Variants in CLCN7 observed in about 807,000 individuals in gnomAD.
CLCN7 encodes Cl-/H+ antiporter 7, also known as H(+)/Cl(-) exchange transporter 7.
CLCN7 carries 60 observed loss-of-function variants against 102.1 expected under a neutral mutation model. The observed-to-expected ratio is 0.59, with a 90% CI of 0.48 to 0.73. The LOEUF (loss-of-function observed/expected upper bound fraction) is 0.73. Ranked by LOEUF, CLCN7 falls within the 30% of genes least tolerant of loss-of-function variation. The pLI is 0.00. For missense variants in CLCN7, 962 were observed against 1,125.7 expected (o/e 0.85, Z 2.08); for synonymous variants, 560 against 490.5 (o/e 1.14, Z -1.87).
At position 1,460,605 on chromosome 16, in the gene CLCN7, A is replaced by G. The variant is rs934993414; in HGVS notation, c.485-78T>C. On this transcript the variant is annotated intron_variant, in intron 5 of 24. Transcript: ENST00000382745. ...AGACCTCAGCCCTGCCCCACAGACC[A>G]GCCTGGCAGATGCCACCCTGCTGGG... 32 of 1,340,016 alleles carry G rather than the reference A, an allele frequency of 2.4e-5. No individual in the cohort carries two copies. In the African/African-American group the frequency reaches 3.9e-4, roughly 16 times the overall value. The allele number at this position is 1,340,016 out of a possible 1,614,324, so 83.0% of individuals were successfully genotyped here. A position where few individuals can be genotyped will look rare whatever the true frequency, so the allele number is the denominator to read the frequency against.
At position 1,461,415 on chromosome 16, in the gene CLCN7, A is replaced by T; in HGVS notation, c.341T>A (p.Ile114Asn). The T allele has an allele frequency of 6.4e-7, 1 of 1,550,448 alleles. No individual in the cohort carries two copies. The highest frequency in any genetic ancestry group is 8.7e-7 in the Non-Finnish European group (1 of 1,147,586). ...NQLFLEEERR[I>N]NHTAFRTVEI... is the part of the protein sequence containing the mutation. ...CGGCGTCCAGCTCACCGTGTGATTG[A>T]TCCGCCGCTCCTCCTCCAGGAACAG... is the stretch of plus-strand genomic sequence containing the variant. The change falls in exon 4 of 25, where the codon ATC (isoleucine) becomes AAC (asparagine). Residue 114 changes from isoleucine to asparagine, a missense_variant. By Grantham distance (149) the Ile-to-Asn change is moderately radical. Around this residue, in one of 2 missense-constraint regions of CLCN7, gnomAD observed 799 missense variants for 988.0 expected, o/e 0.81. Transcript: ENST00000382745.
chr16:1,467,242 C>T (rs554417596), intron 1 of CLCN7, among the ~76,000 whole-genome samples: 12 of 152,318 alleles, frequency 7.9e-5, no homozygotes, highest in South Asian at 6.2e-4. Flanking sequence ...GGCATCTCCA[C>T]GCCCAGGGGA....
At position 1,454,386 on chromosome 16, in the gene CLCN7, CTGCGG is replaced by C. The variant is rs1198977527; in HGVS notation, c.1153+20_1153+24del. On this transcript the variant is annotated intron_variant, in intron 13 of 24. Coordinates refer to ENST00000382745, the MANE Select transcript of CLCN7 (RefSeq NM_001287.6). ...GCTGAGCCAGGCCCGCAGGCCGTCC[CTGCGG>C]TGCTGGGAGAAGCCCTTACCCACCA... 3.1e-6 allele frequency: 5 copies of C among 1,611,916 alleles called. No individual in the cohort carries two copies.
chr16:1,451,743 TGGGAG>T, intron 15 of CLCN7, 27 bp from the exon 16 acceptor site: 1 of 1,590,892 alleles, frequency 6.3e-7, no homozygotes, highest in Middle Eastern at 1.7e-4. Context: ...GAGCACACGT[TGGGAG>T]GGGAGATGAG....
At chr16:1,448,848 G>T in intron 19 of CLCN7, 82 bp from the exon 20 acceptor site, 1 of 1,594,912 alleles carries the variant, frequency 6.3e-7, no homozygotes, top group Non-Finnish European at 8.5e-7. Flanking sequence ...GAGCCCAGAG[G>T]CCGCCCCCAG....
At chr16:1,471,066 G>A (rs886165028) in intron 1 of CLCN7, among the ~76,000 whole-genome samples, 6 of 152,148 alleles carry the variant, frequency 3.9e-5, no homozygotes, top group Non-Finnish European at 7.3e-5. Context: ...GATGAGCAGT[G>A]ACTGGCTTGG....
rs939930832 is a variant in CLCN7 at position 1,457,580 on chromosome 16, G to C, written c.738+114C>G. 18 of 1,004,386 alleles carry C rather than the reference G, an allele frequency of 1.8e-5. No homozygotes were observed. The South Asian group carries it at 2.4e-4, about 13-fold the overall frequency. 62.2% of individuals were successfully genotyped at this position (1,004,386 alleles called of 1,614,324 possible). On this transcript the variant is annotated intron_variant, in intron 8 of 24. Coordinates refer to ENST00000382745, the MANE Select transcript of CLCN7 (RefSeq NM_001287.6). This position sits in a 1 kb window ranked among gnomAD's most constrained non-coding sequence, Gnocchi z 5.4. Reference sequence around the variant, plus strand: ...CGGTGCTCAGAGACACGCGTGACGCGGCCCTTCCTGGAGACCAGAAGGACC... The same window carrying C: ...CGGTGCTCAGAGACACGCGTGACGCCGCCCTTCCTGGAGACCAGAAGGACC...
chr16:1,473,874 C>A (rs1162120469), intron 1 of CLCN7, among the ~76,000 whole-genome samples: 2 of 151,786 alleles, frequency 1.3e-5, no homozygotes, highest in Non-Finnish European at 2.9e-5. Context: ...CACGTGAGGT[C>A]GGGAGTTCGA....
chr16:1,462,683 A>AAAAAAAAAAAAC (rs1471363912), intron 2 of CLCN7, among the ~76,000 whole-genome samples: 5 of 151,076 alleles, frequency 3.3e-5, no homozygotes, highest in African/African-American at 1.2e-4. Context: ...AAAAAAAAAA[A>AAAAAAAAAAAAC]AAAACCAGGC....
chr16:1,452,003 G>A (rs2038759478), intron 15 of CLCN7: 1 of 425,956 alleles, frequency 2.3e-6, no homozygotes, highest in Non-Finnish European at 4.5e-6. Context: ...GGGCTGAGAC[G>A]CTGTCCATCC....
Position 1,447,491 on chromosome 16 carries a change from G to A in CLCN7, c.2151C>T (p.Arg717=), listed in dbSNP as rs1334872434. 1.9e-6 allele frequency: 3 copies of A among 1,553,002 alleles called. No individual in the cohort carries two copies. The highest frequency in any genetic ancestry group is 1.4e-5 in the African/African-American group (1 of 73,154). ...CGTGGATGGACTGGATGGGTGGGAA[G>A]CGCGGGTAGGCGTCTCGGAAGTCCT... is the stretch of plus-strand genomic sequence containing the variant. The part of the protein sequence containing the change: ...RLKDFRDAYP[R]FPPIQSIHVS... The change falls in exon 23 of 25, where the codon CGC becomes CGT. Residue 717 remains arginine, a synonymous_variant. Transcript: ENST00000382745.
Position 1,454,475 on chromosome 16 carries a change from G to A in CLCN7, c.1099-10C>T, listed in dbSNP as rs1025554437. Reference sequence around the variant, plus strand: ...TCGTGTAGGCCATTTTCTGTGCAGAGAGAGGGAGAAGGCAGAGGATGTGAG... The same window carrying A: ...TCGTGTAGGCCATTTTCTGTGCAGAAAGAGGGAGAAGGCAGAGGATGTGAG... On this transcript the variant is annotated splice_polypyrimidine_tract_variant and intron_variant, in intron 12 of 24. Transcript: ENST00000382745. The A allele has an allele frequency of 3.7e-6, 6 of 1,613,224 alleles. No homozygotes were observed. Among genetic ancestry groups the A allele is most frequent in the African/African-American group, 1.3e-5 (1 of 74,918 alleles).
intron 17 of CLCN7, 54 bp downstream of exon 17, chr16:1,450,443 G>T: frequency 6.6e-7 from 1 of 1,517,930 alleles, no homozygotes; most frequent in African/African-American, 1.4e-5. Flanking sequence ...CCGCGATGCC[G>T]CAAGACCTGG....
chr16:1,451,364 G>A (rs1312904929), intron 16 of CLCN7, among the ~76,000 whole-genome samples: 2 of 152,198 alleles, frequency 1.3e-5, no homozygotes, highest in Non-Finnish European at 2.9e-5. Flanking sequence ...TACTACCGTA[G>A]CCAGATAATG....
chr16:1,469,378 T>C (rs1433513372), intron 1 of CLCN7, among the ~76,000 whole-genome samples: 1 of 152,096 alleles, frequency 6.6e-6, no homozygotes, highest in Non-Finnish European at 1.5e-5. Flanking sequence ...AAGGGATTAA[T>C]ATTCAGAATA....
intron 4 of CLCN7, 21 bp from the exon 5 acceptor site, chr16:1,460,969 G>C (rs202067233): frequency 6.2e-7 from 1 of 1,610,800 alleles, no homozygotes; most frequent in Non-Finnish European, 8.5e-7. Context: ...CGGTCAGGGC[G>C]AGGGTCAGGC....
chr16:1,465,475 G>T, intron 1 of CLCN7, 137 bp from the exon 2 acceptor site: 1 of 780,068 alleles, frequency 1.3e-6, no homozygotes, highest in Non-Finnish European at 2.2e-6. Context: ...AGGCCTGCCT[G>T]CTGGGTGGGG....
chr16:1,460,874 G>A lies in CLCN7; in HGVS notation c.426C>T (p.Cys142=), dbSNP rs554627264. The change falls in exon 5 of 25, where the codon TGC becomes TGT. Residue 142 remains cysteine (C), a synonymous_variant. Coordinates refer to ENST00000382745, the MANE Select transcript of CLCN7 (RefSeq NM_001287.6). ...LIGILTGLVA[C]FIDIVVENLA... ...GGTTTTCCACCACGATGTCAATGAA[G>A]CAGGCCACGAGGCCCGTGAGGATCC... The A allele has an allele frequency of 6.2e-7, 1 of 1,614,050 alleles. No individual in the cohort carries two copies. The highest frequency in any genetic ancestry group is 2.2e-5 in the East Asian group (1 of 44,880).
chr16:1,469,504 G>A (rs2142402430), intron 1 of CLCN7, among the ~76,000 whole-genome samples: 1 of 151,658 alleles, frequency 6.6e-6, no homozygotes, highest in South Asian at 2.1e-4. Flanking sequence ...TGACCAATGT[G>A]GCGAAACCCC....
Sources: gnomAD v4.1 joint callset for allele counts (sites outside exome capture counted in the v4.1 genomes callset) on GRCh38, gnomAD v4.1.1 for gene constraint, gnomAD v4.1.1 regional missense constraint, Gnocchi (gnomAD v3.1) non-coding constraint, MANE v1.5 for transcripts, NCBI Gene and HGNC (gene_info 2026-07-23, HGNC 2026-07-21) for gene names.